Variants in SHPRH observed in about 807,000 individuals in gnomAD.
SHPRH encodes E3 ubiquitin-protein ligase SHPRH.
Under a neutral mutation model 202.5 loss-of-function variants are expected in SHPRH, and 106 were observed. The ratio of observed to expected loss-of-function variants is 0.52; its 90% CI spans 0.45 to 0.62. SHPRH has a LOEUF of 0.62. Ranked by LOEUF, SHPRH falls within the 20% of genes least tolerant of loss-of-function variation. SHPRH has a pLI of 0.00. For missense variants in SHPRH, 1,710 were observed against 2,020.0 expected (o/e 0.85, Z 2.94); for synonymous variants, 729 against 686.0 (o/e 1.06, Z -0.98).
intron 8 of SHPRH, among the ~76,000 whole-genome samples, chr6:145,944,787 G>T (rs1562358316): frequency 1.3e-5 from 2 of 152,046 alleles, no homozygotes; most frequent in Non-Finnish European, 2.9e-5. Context: ...CCCAACAGAA[G>T]CAGTTTTCTA....
chr6:145,874,057 G>A lies in SHPRH; in HGVS notation c.222-9566C>T, dbSNP rs886800110. Among the ~76,000 whole-genome samples, 7 of 151,944 alleles carry A rather than the reference G, an allele frequency of 4.6e-5. No homozygotes were observed. The East Asian group carries it at 1.2e-3, about 25-fold the overall frequency. On this transcript the variant is annotated intron_variant, in intron 2 of 2. Transcript: ENST00000417762. Reference sequence around the variant, plus strand: ...CTATTAAAAATACAAAATTAGCGGCGCATGGTGGAGCAAGCCTGTAATCCC... The same window carrying A: ...CTATTAAAAATACAAAATTAGCGGCACATGGTGGAGCAAGCCTGTAATCCC...
At chr6:145,925,112 G>A (rs1377903813) in intron 16 of SHPRH, among the ~76,000 whole-genome samples, 2 of 150,054 alleles carry the variant, frequency 1.3e-5, no homozygotes, top group East Asian at 3.9e-4. Context: ...TTTTTTTTTA[G>A]TTAGAATAAG....
intron 14 of SHPRH, among the ~76,000 whole-genome samples, chr6:145,931,524 G>A (rs1307727041): frequency 6.6e-6 from 1 of 151,966 alleles, no homozygotes; most frequent in East Asian, 1.9e-4. Flanking sequence ...AGCTAGTAGA[G>A]ACGGGGTTTC....
chr6:145,876,872 A>C (rs890194790), intron 2 of SHPRH: 1 of 152,242 alleles, frequency 6.6e-6, no homozygotes, highest in Non-Finnish European at 1.5e-5. Context: ...GCCTGTCCGC[A>C]CAGGGAAACA....
Position 145,923,991 on chromosome 6 carries a change from T to C in SHPRH, c.3403-206A>G, listed in dbSNP as rs866371790. 5.9e-5 allele frequency among the ~76,000 whole-genome samples: 9 copies of C among 151,894 alleles called. No individual in the cohort carries two copies. The South Asian group carries it at 8.3e-4, about 14-fold the overall frequency. ...AAATATAATTAAAGAGAAACCCCTA[T>C]TTCCTAACTACTCTGGATAAATGGG... is the stretch of plus-strand genomic sequence containing the variant. On this transcript the variant is annotated intron_variant, in intron 17 of 29. Transcript: ENST00000275233.
intron 28 of SHPRH, among the ~76,000 whole-genome samples, chr6:145,892,109 G>A (rs1322797674): frequency 2.0e-5 from 3 of 152,066 alleles, no homozygotes; most frequent in Non-Finnish European, 4.4e-5. Flanking sequence ...CTACATTTCT[G>A]AGTATGACAC....
chr6:145,950,518 T>C lies in SHPRH; in HGVS notation c.764-36A>G, dbSNP rs750904188. 1.8e-5 allele frequency: 28 copies of C among 1,593,022 alleles called. No individual in the cohort carries two copies. The East Asian group carries it at 2.2e-4, about 13-fold the overall frequency. On this transcript the variant is annotated intron_variant, in intron 3 of 29. Coordinates refer to ENST00000275233, the MANE Select transcript of SHPRH (RefSeq NM_001042683.3). ...CACAGCAAATGTACTCAAAAACTGA[T>C]AGGTTTTTTCTAACTATAAGCAATT...
downstream of SHPRH, among the ~76,000 whole-genome samples, chr6:145,860,454 C>T (rs1779543022): frequency 6.6e-6 from 1 of 151,872 alleles, no homozygotes; most frequent in Admixed American, 6.6e-5. Flanking sequence ...AAGTGAAAGA[C>T]TTGTACATTG....
At chr6:145,902,405 G>A (rs530863904) in intron 25 of SHPRH, among the ~76,000 whole-genome samples, 17 of 152,202 alleles carry the variant, frequency 1.1e-4, no homozygotes, top group African/African-American at 4.1e-4. Context: ...GTTGTAAAAT[G>A]TGGAGAACCT....
At chr6:145,925,221 T>C (rs571624737) in intron 16 of SHPRH, among the ~76,000 whole-genome samples, 331 of 151,922 alleles carry the variant, frequency 2.2e-3, no homozygotes, top group Middle Eastern at 6.8e-3. Flanking sequence ...ATTCCTTAGT[T>C]ACTGCAGTTT....
chr6:145,933,631 G>T (rs377762296), intron 13 of SHPRH, among the ~76,000 whole-genome samples: 1 of 151,934 alleles, frequency 6.6e-6, no homozygotes, highest in African/African-American at 2.4e-5. Flanking sequence ...AATTGTTTTC[G>T]GACTCTAACT....
At position 145,955,061 on chromosome 6, in the gene SHPRH, T is replaced by C; in HGVS notation, c.262A>G (p.Thr88Ala). The C allele has an allele frequency of 6.2e-7, 1 of 1,612,940 alleles. No homozygotes were observed. Among genetic ancestry groups the C allele is most frequent in the Non-Finnish European group, 8.5e-7 (1 of 1,179,870 alleles). ...SFSKPIEKEE[T>A]VGIFSPLSVK... is the part of the protein sequence containing the mutation. ...GACAAAGGGGAAAAAATACCAACAG[T>C]CTCTTCTTTTTCAATTGGTTTTGAG... The change falls in exon 2 of 30, where the codon ACT becomes GCT. Residue 88 changes from threonine (T) to alanine (A), a missense_variant. Transcript: ENST00000275233.
chr6:145,871,139 C>T (rs1780036913), intron 2 of SHPRH: 1 of 152,186 alleles, frequency 6.6e-6, no homozygotes. Context: ...CCCTTGAAAA[C>T]CAGCACAAGA....
chr6:145,950,602 T>C, intron 3 of SHPRH, 120 bp from the exon 4 acceptor site: 1 of 825,070 alleles, frequency 1.2e-6, no homozygotes, highest in Non-Finnish European at 1.9e-6. Context: ...CAGTGTGTTT[T>C]GTCACTGAAA....
chr6:145,867,486 C>CA (rs1779827286), intron 2 of SHPRH, among the ~76,000 whole-genome samples: 1 of 150,988 alleles, frequency 6.6e-6, no homozygotes, highest in Non-Finnish European at 1.5e-5. Context: ...AAGAGAGAGG[C>CA]AAAATGAAAC....
chr6:145,883,245 T>C (rs1323021468), downstream of SHPRH: 1 of 152,154 alleles, frequency 6.6e-6, no homozygotes, highest in African/African-American at 2.4e-5. Context: ...GGTTTCAAGA[T>C]AACAAAGTCA....
chr6:145,864,943 TCACACA>T lies in SHPRH; in HGVS notation c.222-458_222-453del, dbSNP rs71552940. ...AAATAAAATTTATAAACACACACAC[TCACACA>T]CACACACACACACACACACACACAC... On this transcript the variant is annotated intron_variant, in intron 2 of 2. Transcript: ENST00000417762. Among the ~76,000 whole-genome samples, 170 of 102,818 alleles carry T rather than the reference TCACACA, an allele frequency of 1.7e-3. 1 individual carries two copies. The highest frequency in any genetic ancestry group is 4.5e-3 in the African/African-American group (143 of 31,538). The allele number at this position is 102,818 out of a possible 152,430, so 67.5% of individuals were successfully genotyped here.
At chr6:145,913,214 AACAATGTT>A (rs1783655260) in intron 24 of SHPRH, among the ~76,000 whole-genome samples, 1 of 152,284 alleles carries the variant, frequency 6.6e-6, no homozygotes, top group Admixed American at 6.5e-5. Context: ...TGTGACTGGA[AACAATGTT>A]CAAAACTGTG....
downstream of SHPRH, chr6:145,884,565 G>A (rs1472333865): frequency 6.6e-6 from 1 of 152,138 alleles, no homozygotes; most frequent in Non-Finnish European, 1.5e-5. Flanking sequence ...TAATATTTCA[G>A]AGGCTATAAA....
Sources: allele counts gnomAD v4.1 joint callset (sites outside exome capture counted in the v4.1 genomes callset), GRCh38; gene constraint gnomAD v4.1.1; transcripts MANE v1.5; gene names NCBI Gene and HGNC (gene_info 2026-07-23, HGNC 2026-07-21).